CDYL: variants seen among roughly 807,000 people sequenced by gnomAD.
CDYL encodes chromodomain Y-like protein.
A neutral mutation model predicts 47.3 loss-of-function variants in CDYL; 8 were observed. The observed-to-expected ratio is 0.17, with a 90% confidence interval of 0.10 to 0.31. The LOEUF (loss-of-function observed/expected upper bound fraction) is 0.31. Ranked by LOEUF, CDYL falls within the 10% of genes least tolerant of loss-of-function variation. The pLI is 1.00. For missense variants in CDYL, 471 were observed against 701.4 expected (o/e 0.67, Z 3.71); for synonymous variants, 266 against 265.0 (o/e 1.00, Z -0.04).
At chr6:4,735,573 G>A (rs1484282737) in intron 3 of CDYL, among the ~76,000 whole-genome samples, 29 of 152,024 alleles carry the variant, frequency 1.9e-4, no homozygotes, top group Admixed American at 1.9e-3. Flanking sequence ...AGACCAGCCT[G>A]GCCAACATGG....
At chr6:4,714,087 AAC>A (rs1757207627) in intron 1 of CDYL, 1 of 152,160 alleles carries the variant, frequency 6.6e-6, no homozygotes, top group Non-Finnish European at 1.5e-5. Context: ...TACAGATGCG[AAC>A]ACAGAGGGTT....
intron 2 of CDYL, among the ~76,000 whole-genome samples, chr6:4,731,023 C>T (rs1176139298): frequency 2.0e-5 from 3 of 152,330 alleles, no homozygotes; most frequent in African/African-American, 7.2e-5. Context: ...ATGTTTTCAA[C>T]GTCTGGGCCT....
intron 1 of CDYL, among the ~76,000 whole-genome samples, chr6:4,881,806 A>G (rs935117046): frequency 2.6e-5 from 4 of 152,174 alleles, no homozygotes; most frequent in South Asian, 2.1e-4. Flanking sequence ...CTTCAGCCCA[A>G]ATAATTTTCA....
At chr6:4,895,084 CAT>C (rs1554105626) in intron 2 of CDYL, among the ~76,000 whole-genome samples, 5 of 149,382 alleles carry the variant, frequency 3.3e-5, no homozygotes, top group African/African-American at 1.2e-4. Flanking sequence ...TCTATATGCA[CAT>C]ATATGTACAT....
At chr6:4,746,891 C>A (rs1757908218) in intron 3 of CDYL, among the ~76,000 whole-genome samples, 1 of 152,132 alleles carries the variant, frequency 6.6e-6, no homozygotes, top group Non-Finnish European at 1.5e-5. Context: ...GGCCCCTCAC[C>A]CCATCTACTC....
At chr6:4,802,312 A>C (rs1447903238) in intron 1 of CDYL, among the ~76,000 whole-genome samples, 3 of 152,162 alleles carry the variant, frequency 2.0e-5, no homozygotes, top group Non-Finnish European at 4.4e-5. Context: ...ATGAGGCATG[A>C]GTCTCACCTG....
intron 3 of CDYL, among the ~76,000 whole-genome samples, chr6:4,753,283 A>G (rs961458332): frequency 6.6e-6 from 1 of 152,144 alleles, no homozygotes. Flanking sequence ...AAGTGGTAAC[A>G]AGACAAGAGC....
chr6:4,881,638 T>TA (rs535966806), intron 1 of CDYL, among the ~76,000 whole-genome samples: 50 of 152,262 alleles, frequency 3.3e-4, no homozygotes, highest in Admixed American at 2.0e-4. Flanking sequence ...TCTGTCTACA[T>TA]ATGATAAACC....
chr6:4,876,491 A>AT (rs1471376405), intron 1 of CDYL, among the ~76,000 whole-genome samples: 2 of 151,858 alleles, frequency 1.3e-5, no homozygotes, highest in African/African-American at 4.8e-5. Flanking sequence ...TACCTTTGAT[A>AT]TTTTTTTCAT....
At chr6:4,893,002 T>C (rs1200993577) in intron 2 of CDYL, among the ~76,000 whole-genome samples, 1 of 152,238 alleles carries the variant, frequency 6.6e-6, no homozygotes, top group Non-Finnish European at 1.5e-5. Flanking sequence ...GGTTGTGCCA[T>C]GACCTGTCCA....
chr6:4,853,427 G>C (rs543719248), intron 1 of CDYL, among the ~76,000 whole-genome samples: 1 of 152,260 alleles, frequency 6.6e-6, no homozygotes, highest in East Asian at 1.9e-4. Context: ...TCCAACTGCG[G>C]AACCTCCAAA....
intron 2 of CDYL, among the ~76,000 whole-genome samples, chr6:4,929,751 G>C (rs1341094): frequency 0.69 from 104,190 of 152,010 alleles, 36,359 homozygotes; most frequent in Middle Eastern, 0.88. Flanking sequence ...TTCTTTAAAT[G>C]CTTGAGCACA....
At chr6:4,910,877 A>C (rs1757392810) in intron 2 of CDYL, among the ~76,000 whole-genome samples, 1 of 151,496 alleles carries the variant, frequency 6.6e-6, no homozygotes, top group Non-Finnish European at 1.5e-5. Context: ...TCTGTCGCCC[A>C]GGCTGGAGTG....
rs71540836 is a variant in CDYL at position 4,929,493 on chromosome 6, TACAC to T, written c.692-5992_692-5989del. On this transcript the variant is annotated intron_variant, in intron 2 of 6. Transcript: ENST00000397588. ...CTATTATTTCTGCAAATGTTTTACT[TACAC>T]ACACACACACACACACACACACACA... Among the ~76,000 whole-genome samples the T allele has an allele frequency of 3.5e-3, 503 of 144,030 alleles. 3 individuals are homozygous for T. Among genetic ancestry groups the T allele is most frequent in the African/African-American group, 0.012 (461 of 38,782 alleles). The allele number at this position is 144,030 out of a possible 152,430, so 94.5% of individuals were successfully genotyped here.
intron 3 of CDYL, among the ~76,000 whole-genome samples, chr6:4,754,270 T>C (rs1758041885): frequency 6.6e-6 from 1 of 152,250 alleles, no homozygotes; most frequent in Non-Finnish European, 1.5e-5. Context: ...GAGATGACAC[T>C]CAACTATGAT....
chr6:4,818,699 C>T (rs1759740603), intron 1 of CDYL, among the ~76,000 whole-genome samples: 1 of 152,108 alleles, frequency 6.6e-6, no homozygotes, highest in Non-Finnish European at 1.5e-5. Context: ...AATTTTCCTT[C>T]TTCAGGAGGG....
intron 3 of CDYL, among the ~76,000 whole-genome samples, chr6:4,748,580 T>G (rs1757935415): frequency 6.8e-6 from 1 of 147,538 alleles, no homozygotes; most frequent in Non-Finnish European, 1.5e-5. Flanking sequence ...GACACGGGGG[T>G]AGGGGTAGGA....
chr6:4,856,030 A>G (rs1367659971), intron 1 of CDYL, among the ~76,000 whole-genome samples: 1 of 152,248 alleles, frequency 6.6e-6, no homozygotes, highest in Non-Finnish European at 1.5e-5. Context: ...ACACATTAAA[A>G]GTGTTATGAT....
At chr6:4,901,072 T>C (rs1450700727) in intron 2 of CDYL, among the ~76,000 whole-genome samples, 1 of 151,536 alleles carries the variant, frequency 6.6e-6, no homozygotes. Context: ...TTAATGTGCA[T>C]TAATTTTATG....
Sources: gnomAD v4.1 joint callset for allele counts (sites outside exome capture counted in the v4.1 genomes callset) on GRCh38, gnomAD v4.1.1 for gene constraint, MANE v1.5 for transcripts, NCBI Gene and HGNC (gene_info 2026-07-23, HGNC 2026-07-21) for gene names.